USP53: variants seen among roughly 807,000 people sequenced by gnomAD.
The protein encoded by USP53 is ubiquitin carboxyl-terminal hydrolase 53.
In USP53, 71 loss-of-function variants were observed where a neutral mutation model predicts 94.9. The ratio of observed to expected loss-of-function variants is 0.75; its 90% CI spans 0.62 to 0.91. USP53 has a LOEUF of 0.91. Among genes scored for constraint, USP53 ranks in the 40% least tolerant of loss-of-function variants. USP53 has a pLI of 0.00. For synonymous variants in USP53, 375 were observed against 422.7 expected, an observed-to-expected ratio of 0.89 and a Z score of 1.39; for missense variants, 1,173 against 1,281.0, an observed-to-expected ratio of 0.92 and a Z score of 1.29.
At chr4:119,266,313 G>C (rs927670974) in intron 12 of USP53, 5 of 456,104 alleles carry the variant, frequency 1.1e-5, no homozygotes, top group African/African-American at 1.0e-4. Context: ...ATACCTTGAA[G>C]TGGGATTTCT....
Position 119,271,411 on chromosome 4 carries a change from A to C in USP53, c.1551A>C (p.Lys517Asn). ...ATAGTCAAGGAAAAGGATCATATAAACATGACCGAGTTGTACCTCAGAGTC... is the reference window on the plus strand; with the variant it reads ...ATAGTCAAGGAAAAGGATCATATAACCATGACCGAGTTGTACCTCAGAGTC... Reference protein sequence around the residue: ...LYHSQGKGSYKHDRVVPQSRA... With the variant: ...LYHSQGKGSYNHDRVVPQSRA... The change falls in exon 16 of 19, where the codon AAA (lysine) becomes AAC (asparagine). Residue 517 changes from lysine to asparagine, a missense_variant. By Grantham distance (94) the Lys-to-Asn change is moderately conservative. Transcript: ENST00000692078. 6.2e-7 allele frequency: 1 copy of C among 1,614,032 alleles called. No individual in the cohort carries two copies.
chr4:119,247,056 C>A (rs780878509), intron 6 of USP53, among the ~76,000 whole-genome samples: 14 of 151,722 alleles, frequency 9.2e-5, no homozygotes, highest in Non-Finnish European at 1.8e-4. Context: ...AAGAACATGG[C>A]CAAATAGGGT....
chr4:119,254,671 T>A (rs1473821473), intron 7 of USP53, among the ~76,000 whole-genome samples: 1 of 152,204 alleles, frequency 6.6e-6, no homozygotes, highest in Non-Finnish European at 1.5e-5. Context: ...TAGAACATGC[T>A]CCTTTAGCTC....
At chr4:119,268,546 C>T in intron 14 of USP53, 126 bp downstream of exon 14, 1 of 984,202 alleles carries the variant, frequency 1.0e-6, no homozygotes, top group Non-Finnish European at 1.4e-6. Context: ...TAACAAAATT[C>T]GTCTTTTGAT....
Position 119,239,684 on chromosome 4 carries a change from A to G in USP53, c.-76A>G. The G allele has an allele frequency of 6.8e-7, 1 of 1,470,562 alleles. No homozygotes were observed. The highest frequency in any genetic ancestry group is 1.8e-4 in the Middle Eastern group (1 of 5,488). 91.1% of individuals were successfully genotyped at this position (1,470,562 alleles called of 1,614,324 possible). A position where few individuals can be genotyped will look rare whatever the true frequency, so the allele number is the denominator to read the frequency against. ...AGTGGATTTAATTGGACAATTCAAG[A>G]CATCCATTTTATTGTCCAAAATATT... On this transcript the variant is annotated 5_prime_UTR_variant, in exon 5 of 19. Coordinates refer to ENST00000692078, the MANE Select transcript of USP53 (RefSeq NM_001371395.1).
intron 3 of USP53, among the ~76,000 whole-genome samples, chr4:119,225,428 C>G (rs951878530): frequency 2.0e-5 from 3 of 152,038 alleles, no homozygotes; most frequent in African/African-American, 7.2e-5. Flanking sequence ...AAAACACTTC[C>G]AAGTTCACTT....
intron 3 of USP53, among the ~76,000 whole-genome samples, chr4:119,223,252 A>T (rs1744790241): frequency 6.6e-6 from 1 of 152,128 alleles, no homozygotes; most frequent in Non-Finnish European, 1.5e-5. Context: ...AAAATAGAAT[A>T]CTGTAAGATG....
rs74387244 is a variant in USP53, at chr4:119,257,012, G to A, written c.569+489G>A. On this transcript the variant is annotated intron_variant, in intron 9 of 18. Coordinates refer to ENST00000692078, the MANE Select transcript of USP53 (RefSeq NM_001371395.1). ...TCACTTTAAATAAAAAATTTGCCAT[G>A]CTTGCCTGCTCAGCTGCCCACTCAC... Among the ~76,000 whole-genome samples, 465 of 152,246 alleles carry A rather than the reference G, an allele frequency of 3.1e-3. 14 individuals carry two copies. The East Asian group carries it at 0.059, about 19-fold the overall frequency.
chr4:119,243,027 AATAAT>A (rs2149334159), intron 5 of USP53, among the ~76,000 whole-genome samples: 1 of 152,332 alleles, frequency 6.6e-6, no homozygotes, highest in Admixed American at 6.5e-5. Context: ...ATCTTTTGGG[AATAAT>A]ATAAGAAATA....
chr4:119,271,395 G>A lies in USP53; in HGVS notation c.1535G>A (p.Gly512Glu). Reference protein sequence around the residue: ...HGNPHLYHSQGKGSYKHDRVV... With the variant: ...HGNPHLYHSQEKGSYKHDRVV... ...AATCCACATCTATATCATAGTCAAGGAAAAGGATCATATAAACATGACCGA... is the reference window on the plus strand; with the variant it reads ...AATCCACATCTATATCATAGTCAAGAAAAAGGATCATATAAACATGACCGA... Residue 512 changes from glycine (G) to glutamate (E), a missense_variant, in exon 16 of 19, where the codon GGA (glycine) becomes GAA (glutamate). By Grantham distance (98) the Gly-to-Glu change is moderately conservative. Coordinates refer to ENST00000692078, the MANE Select transcript of USP53 (RefSeq NM_001371395.1). The A allele has an allele frequency of 6.2e-7, 1 of 1,613,826 alleles. No homozygotes were observed. The highest frequency in any genetic ancestry group is 8.5e-7 in the Non-Finnish European group (1 of 1,179,958).
intron 17 of USP53, among the ~76,000 whole-genome samples, chr4:119,276,790 C>G (rs1175787138): frequency 2.5e-5 from 3 of 120,232 alleles, no homozygotes; most frequent in South Asian, 3.4e-4. Flanking sequence ...TGTTATTGGT[C>G]TATTCAGAGA....
At chr4:119,261,311 A>G (rs931229562) in intron 11 of USP53, among the ~76,000 whole-genome samples, 1 of 152,138 alleles carries the variant, frequency 6.6e-6, no homozygotes, top group African/African-American at 2.4e-5. Flanking sequence ...GATTTGGTTC[A>G]TGTTACAATT....
intron 3 of USP53, among the ~76,000 whole-genome samples, chr4:119,227,744 GT>G (rs1745518154): frequency 6.6e-6 from 1 of 152,160 alleles, no homozygotes; most frequent in Admixed American, 6.5e-5. Context: ...CCACTGCTAG[GT>G]ATTTACAAGA....
chr4:119,257,198 T>C (rs1749883576), intron 9 of USP53, among the ~76,000 whole-genome samples: 1 of 152,156 alleles, frequency 6.6e-6, no homozygotes, highest in Non-Finnish European at 1.5e-5. Context: ...TCCTAGTACA[T>C]TGGGAGGCCA....
intron 3 of USP53, among the ~76,000 whole-genome samples, chr4:119,225,162 G>GTGAA (rs1745069694): frequency 6.6e-6 from 1 of 152,158 alleles, no homozygotes; most frequent in Non-Finnish European, 1.5e-5. Flanking sequence ...ACAGAGTATT[G>GTGAA]TGAATTTTTT....
chr4:119,293,241 A>G lies in USP53; in HGVS notation c.*30A>G. On this transcript the variant is annotated 3_prime_UTR_variant, in exon 19 of 19. Coordinates refer to ENST00000692078, the MANE Select transcript of USP53 (RefSeq NM_001371395.1). Reference sequence around the variant, plus strand: ...AAAAAGGACTAGACCTGTGTTACATAATAATCTTGGTTCAAGCTGCCCTTC... The same window carrying G: ...AAAAAGGACTAGACCTGTGTTACATGATAATCTTGGTTCAAGCTGCCCTTC... 1.3e-6 allele frequency: 2 copies of G among 1,537,206 alleles called. No homozygotes were observed. Among genetic ancestry groups the G allele is most frequent in the Non-Finnish European group, 1.7e-6 (2 of 1,153,862 alleles).
intron 5 of USP53, among the ~76,000 whole-genome samples, chr4:119,240,993 G>A (rs1747452028): frequency 6.6e-6 from 1 of 152,076 alleles, no homozygotes; most frequent in Admixed American, 6.5e-5. Flanking sequence ...CAAAAGACCT[G>A]GAATTAAATG....
intron 2 of USP53, among the ~76,000 whole-genome samples, chr4:119,216,696 G>T (rs533015404): frequency 6.6e-6 from 1 of 152,228 alleles, no homozygotes; most frequent in South Asian, 2.1e-4. Context: ...TAACAAAATT[G>T]CTTATGATTT....
chr4:119,275,755 G>A (rs1171851458), intron 17 of USP53, among the ~76,000 whole-genome samples: 1 of 152,100 alleles, frequency 6.6e-6, no homozygotes, highest in Non-Finnish European at 1.5e-5. Context: ...TCATTTGTTT[G>A]TATCCTCTTT....
Sources: gnomAD v4.1 joint callset for allele counts (sites outside exome capture counted in the v4.1 genomes callset) on GRCh38, gnomAD v4.1.1 for gene constraint, MANE v1.5 for transcripts, NCBI Gene and HGNC (gene_info 2026-07-23, HGNC 2026-07-21) for gene names.